The following GNA14 variants were observed in gnomAD, a reference collection of about 807,000 sequenced individuals.
GNA14 encodes the protein guanine nucleotide-binding protein subunit alpha-14.
GNA14 carries 50 observed loss-of-function variants against 42.0 expected under a neutral mutation model. The ratio of observed to expected loss-of-function variants is 1.19; its 90% CI spans 0.95 to 1.51. The LOEUF (loss-of-function observed/expected upper bound fraction) is 1.51, where lower values mean the gene tolerates loss of function less well. GNA14 is among the 40% of genes most tolerant of loss of function. The probability of loss-of-function intolerance (pLI) is 0.00; values close to 1 mark genes in which losing one functional copy is unlikely to be tolerated. For missense variants in GNA14, 473 were observed against 446.2 expected (o/e 1.06, Z -0.54); for synonymous variants, 173 against 163.1 (o/e 1.06, Z -0.46).
chr9:77,516,742 G>T (rs1484045590), intron 2 of GNA14, among the ~76,000 whole-genome samples: 1 of 151,858 alleles, frequency 6.6e-6, no homozygotes. Flanking sequence ...GGGGCGGTAG[G>T]GGGCAGGGGA....
At chr9:77,560,892 C>T (rs1162293003) in intron 1 of GNA14, among the ~76,000 whole-genome samples, 1 of 151,954 alleles carries the variant, frequency 6.6e-6, no homozygotes, top group East Asian at 1.9e-4. Flanking sequence ...AAACAAAAGT[C>T]TCCTTAACTT....
chr9:77,565,985 C>T (rs1219809278), intron 1 of GNA14, among the ~76,000 whole-genome samples: 1 of 144,488 alleles, frequency 6.9e-6, no homozygotes, highest in African/African-American at 2.8e-5. Flanking sequence ...AGAGGGGTAA[C>T]TGGCACTGAG....
At chr9:77,472,764 T>C (rs758524311) in intron 2 of GNA14, among the ~76,000 whole-genome samples, 11 of 150,558 alleles carry the variant, frequency 7.3e-5, no homozygotes, top group Non-Finnish European at 1.2e-4. Flanking sequence ...TTAGTTTCCT[T>C]ATAAGAGGAA....
chr9:77,447,661 G>T (rs1030168422), intron 2 of GNA14, among the ~76,000 whole-genome samples: 24 of 152,114 alleles, frequency 1.6e-4, no homozygotes, highest in Admixed American at 1.1e-3. Flanking sequence ...GTTATTCAGG[G>T]ATCCAGGCTC....
chr9:77,464,333 GTGTGTGTGTGTGTGTATA>G (rs1383104408), intron 2 of GNA14, among the ~76,000 whole-genome samples: 48 of 123,434 alleles, frequency 3.9e-4, no homozygotes, highest in East Asian at 2.3e-3. Context: ...GTATATATAT[GTGTGTGTGTGTGTGTATA>G]TGTGTGTGTG....
At chr9:77,634,687 G>T (rs1238324482) in intron 1 of GNA14, among the ~76,000 whole-genome samples, 2 of 152,092 alleles carry the variant, frequency 1.3e-5, no homozygotes, top group Non-Finnish European at 2.9e-5. Flanking sequence ...CCCAGCCCAG[G>T]CCTGTGTTCC....
chr9:77,644,437 C>CCAAAAAAA (rs778013639), intron 1 of GNA14, among the ~76,000 whole-genome samples: 8 of 34,012 alleles, frequency 2.4e-4, no homozygotes, highest in African/African-American at 3.5e-4. Flanking sequence ...TAAAGAGTGT[C>CCAAAAAAA]AAAAAAAAAA....
intron 6 of GNA14, 146 bp from the exon 7 acceptor site, chr9:77,424,315 G>A (rs958300868): frequency 9.8e-6 from 5 of 509,462 alleles, no homozygotes; most frequent in African/African-American, 2.0e-5. Context: ...CTCTGCTTCT[G>A]GGGTTCAAGC....
At chr9:77,501,363 TG>T (rs892793321) in intron 2 of GNA14, among the ~76,000 whole-genome samples, 2 of 152,214 alleles carry the variant, frequency 1.3e-5, no homozygotes, top group African/African-American at 4.8e-5. Flanking sequence ...CCCCAGCATT[TG>T]GTGTTGTCAT....
At chr9:77,595,325 A>T (rs1360099584) in intron 1 of GNA14, among the ~76,000 whole-genome samples, 1 of 152,206 alleles carries the variant, frequency 6.6e-6, no homozygotes, top group Non-Finnish European at 1.5e-5. Flanking sequence ...GCTCAACACC[A>T]AAGAGGCCAT....
At chr9:77,560,144 T>C (rs1272733979) in intron 1 of GNA14, among the ~76,000 whole-genome samples, 3 of 152,198 alleles carry the variant, frequency 2.0e-5, no homozygotes, top group Non-Finnish European at 4.4e-5. Flanking sequence ...TTTCGTTTTT[T>C]AAAAACTCTA....
chr9:77,646,187 G>A (rs1824348935), intron 1 of GNA14, among the ~76,000 whole-genome samples: 2 of 152,072 alleles, frequency 1.3e-5, no homozygotes, highest in South Asian at 4.2e-4. Flanking sequence ...CACCCACGGG[G>A]ACTCCCTCCA....
chr9:77,509,927 T>C (rs1342525252), intron 2 of GNA14, among the ~76,000 whole-genome samples: 1 of 152,238 alleles, frequency 6.6e-6, no homozygotes, highest in Non-Finnish European at 1.5e-5. Flanking sequence ...GAACGACACA[T>C]CACTACGTAG....
rs563508580 is a variant in GNA14, at chr9:77,545,359, G to A, written c.125-16106C>T. Among the ~76,000 whole-genome samples, 13 of 152,258 alleles carry A rather than the reference G, an allele frequency of 8.5e-5. No homozygotes were observed. In the East Asian group the frequency reaches 1.7e-3, roughly 20 times the overall value. Reference sequence around the variant, plus strand: ...GTCTTTAAAAATATAATGCACTACCGTTCACCTTGGAAAGCTAAGAAGTCA... The same window carrying A: ...GTCTTTAAAAATATAATGCACTACCATTCACCTTGGAAAGCTAAGAAGTCA... On this transcript the variant is annotated intron_variant, in intron 1 of 6. Coordinates refer to ENST00000341700, the MANE Select transcript of GNA14 (RefSeq NM_004297.4).
intron 5 of GNA14, among the ~76,000 whole-genome samples, chr9:77,427,363 G>A (rs910618937): frequency 3.3e-5 from 5 of 151,178 alleles, no homozygotes; most frequent in South Asian, 2.1e-4. Context: ...AGGGCTGGGC[G>A]ACAGCCAGCA....
chr9:77,558,835 G>A (rs138639655), intron 1 of GNA14, among the ~76,000 whole-genome samples: 267 of 151,060 alleles, frequency 1.8e-3, no homozygotes, highest in African/African-American at 5.7e-3. Flanking sequence ...GTTTACTTCC[G>A]TATTCTAAAG....
chr9:77,647,622 C>T lies in GNA14; in HGVS notation c.124+48G>A, dbSNP rs930257662. On this transcript the variant is annotated intron_variant, in intron 1 of 6. Coordinates refer to ENST00000341700, the MANE Select transcript of GNA14 (RefSeq NM_004297.4). ...TGCCAGTGGAGAGGCCGGGAGGGCT[C>T]GGAAGAAAAACGCCCGGCTCACTGG... The T allele has an allele frequency of 1.9e-6, 3 of 1,583,800 alleles. No individual in the cohort carries two copies. The African/African-American group carries it at 4.0e-5, about 21-fold the overall frequency.
intron 2 of GNA14, among the ~76,000 whole-genome samples, chr9:77,518,272 A>G (rs1268527502): frequency 6.6e-6 from 1 of 152,188 alleles, no homozygotes; most frequent in East Asian, 1.9e-4. Context: ...TTTCTAGTAT[A>G]CCAAGAGCTA....
chr9:77,529,395 T>G (rs903735086), intron 1 of GNA14, 142 bp from the exon 2 acceptor site: 6 of 709,842 alleles, frequency 8.5e-6, no homozygotes, highest in Non-Finnish European at 1.5e-5. Flanking sequence ...GCCAAATGGT[T>G]ATGCAGTTTT....
Sources: gnomAD v4.1 joint callset for allele counts (sites outside exome capture counted in the v4.1 genomes callset) on GRCh38, gnomAD v4.1.1 for gene constraint, MANE v1.5 for transcripts, NCBI Gene and HGNC (gene_info 2026-07-23, HGNC 2026-07-21) for gene names.